The following ARHGEF17 variants were observed in gnomAD, a reference collection of about 807,000 sequenced individuals.
The protein encoded by ARHGEF17 is Rho guanine nucleotide exchange factor 17.
In ARHGEF17, 80 loss-of-function variants were observed where a neutral mutation model predicts 174.0. The observed-to-expected ratio is 0.46, with a 90% CI of 0.38 to 0.55. The LOEUF is 0.55. Among genes scored for constraint, ARHGEF17 ranks in the 20% least tolerant of loss-of-function variants. The pLI, the probability that ARHGEF17 is intolerant of heterozygous loss-of-function variation, is 0.00. For synonymous variants in ARHGEF17, 1,311 were observed against 1,189.1 expected (o/e 1.10, Z -2.11); for missense variants, 2,886 against 2,839.7 (o/e 1.02, Z -0.37).
rs1230956051 is a variant in ARHGEF17, at chr11:73,309,290, C to G, written c.652C>G (p.His218Asp). Residue 218 changes from histidine (H) to aspartate (D), a missense_variant, in exon 1 of 21, where the codon CAT (histidine) becomes GAT (aspartate). By Grantham distance (81) the His-to-Asp change is moderately conservative (BLOSUM62 -1). Coordinates refer to ENST00000263674, the MANE Select transcript of ARHGEF17 (RefSeq NM_014786.4). ...TCCAGCGGATGGTTTACATTCTTGG[C>G]ATATCTTCTCCCAACCGCAGGCCGG... ...QRPADGLHSW[H>D]IFSQPQAGAR... 4 of 1,612,176 alleles carry G rather than the reference C, an allele frequency of 2.5e-6. No individual in the cohort carries two copies. Among genetic ancestry groups the G allele is most frequent in the Non-Finnish European group, 3.4e-6 (4 of 1,179,656 alleles).
intron 3 of ARHGEF17, among the ~76,000 whole-genome samples, chr11:73,354,015 A>G (rs536758269): frequency 5.9e-5 from 9 of 152,376 alleles, no homozygotes; most frequent in African/African-American, 2.2e-4. Flanking sequence ...TTTCAAAAGC[A>G]AAATTGTAAA....
At chr11:73,353,376 A>G (rs565352342) in intron 3 of ARHGEF17, 6 of 263,634 alleles carry the variant, frequency 2.3e-5, no homozygotes, top group South Asian at 1.3e-4. Context: ...CCTCCACCCT[A>G]TCTTTACTGG....
In ARHGEF17 at chr11:73,311,394, G is replaced by T; in HGVS notation, c.2756G>T (p.Arg919Leu). 1 of 1,613,220 alleles carries T rather than the reference G, an allele frequency of 6.2e-7. No individual in the cohort carries two copies. Among genetic ancestry groups the T allele is most frequent in the African/African-American group, 1.3e-5 (1 of 75,048 alleles). ...GACATTCTGTCCCCGAGGCTAATCC[G>T]CCGAGGCTCCAAGAAGCGCCCAGCT... is the stretch of plus-strand genomic sequence containing the variant. ...LADILSPRLI[R>L]RGSKKRPARS... Residue 919 changes from arginine (R) to leucine (L), a missense_variant, in exon 1 of 21, where the codon CGC becomes CTC. Arg to Leu is a moderately radical substitution (Grantham distance 102). Around this residue, in one of 4 missense-constraint regions of ARHGEF17, gnomAD observed 1,728 missense variants for 1,461.2 expected, o/e 1.18. Coordinates refer to ENST00000263674, the MANE Select transcript of ARHGEF17 (RefSeq NM_014786.4).
chr11:73,313,498 A>G (rs993343666), intron 1 of ARHGEF17, among the ~76,000 whole-genome samples: 1 of 152,186 alleles, frequency 6.6e-6, no homozygotes, highest in Non-Finnish European at 1.5e-5. Context: ...TGAGACCCAG[A>G]GAGGAGGTGG....
chr11:73,332,857 A>G (rs1258138119), intron 1 of ARHGEF17, among the ~76,000 whole-genome samples: 1 of 152,190 alleles, frequency 6.6e-6, no homozygotes, highest in African/African-American at 2.4e-5. Context: ...GGTTAAAATA[A>G]TACCTGCAGA....
chr11:73,318,397 G>A (rs574367211), intron 1 of ARHGEF17, among the ~76,000 whole-genome samples: 2 of 152,286 alleles, frequency 1.3e-5, no homozygotes, highest in East Asian at 3.9e-4. Context: ...AGCACTTTGG[G>A]AGGCTGAGGT....
In ARHGEF17 at chr11:73,363,243, G is replaced by A. The variant is rs1280357782; in HGVS notation, c.5034G>A (p.Glu1678=). ...ETPSSKEATA[E]TTSSEEEQEP... is the part of the protein sequence containing the mutation. ...CGAGTTCCAAGGAGGCCACGGCAGA[G>A]ACCACCAGCTCAGAGGAGGAGCAGG... is the stretch of plus-strand genomic sequence containing the variant. Residue 1678 remains glutamate (E), a synonymous_variant, in exon 15 of 21, where the codon GAG becomes GAA. Coordinates refer to ENST00000263674, the MANE Select transcript of ARHGEF17 (RefSeq NM_014786.4). The A allele has an allele frequency of 6.3e-7, 1 of 1,597,864 alleles. No individual in the cohort carries two copies. The highest frequency in any genetic ancestry group is 1.7e-5 in the Admixed American group (1 of 58,844).
rs892897422 is a variant in ARHGEF17 at position 73,311,394 on chromosome 11, G to A, written c.2756G>A (p.Arg919His). The part of the protein sequence containing the change: ...LADILSPRLI[R>H]RGSKKRPARS... ...GACATTCTGTCCCCGAGGCTAATCC[G>A]CCGAGGCTCCAAGAAGCGCCCAGCT... The change falls in exon 1 of 21, where the codon CGC (arginine) becomes CAC (histidine). Residue 919 changes from arginine to histidine, a missense_variant. Physicochemically the swap from Arg to His is conservative, Grantham distance 29 (BLOSUM62 0). Transcript: ENST00000263674. 8.7e-6 allele frequency: 14 copies of A among 1,613,102 alleles called. No individual in the cohort carries two copies. The highest frequency in any genetic ancestry group is 4.4e-5 in the South Asian group (4 of 91,076).
rs1164051322 is a variant in ARHGEF17, at chr11:73,329,322, CATATATATATATATATATAT to C, written c.3192+17525_3193-17509del. Among the ~76,000 whole-genome samples, 37 of 15,314 alleles carry C rather than the reference CATATATATATATATATATAT, an allele frequency of 2.4e-3. 5 individuals carry two copies. The highest frequency in any genetic ancestry group is 2.6e-3 in the Admixed American group (2 of 774). The allele number at this position is 15,314 out of a possible 152,430, so 10.0% of individuals were successfully genotyped here. Reference sequence around the variant, plus strand: ...GCCTTATCAGTATTTTGAGAGCTTTCATATATATATATATATATATATATATATATATATATATATATATA... The same window carrying C: ...GCCTTATCAGTATTTTGAGAGCTTTCATATATATATATATATATATATATA... On this transcript the variant is annotated intron_variant, in intron 1 of 20. Transcript: ENST00000263674.
At position 73,356,757 on chromosome 11, in the gene ARHGEF17, G is replaced by C. The variant is rs902519974; in HGVS notation, c.3889G>C (p.Val1297Leu). 2 of 1,614,158 alleles carry C rather than the reference G, an allele frequency of 1.2e-6. No individual in the cohort carries two copies. The highest frequency in any genetic ancestry group is 1.7e-5 in the Admixed American group (1 of 60,022). The change falls in exon 7 of 21, where the codon GTG becomes CTG. Residue 1297 changes from valine (V) to leucine (L), a missense_variant and splice_region_variant. By Grantham distance (32) the Val-to-Leu change is conservative. Around this residue, in one of 4 missense-constraint regions of ARHGEF17, gnomAD observed 353 missense variants for 470.3 expected, o/e 0.75. Transcript: ENST00000263674. ...CCTGAGACAGGAGATGGTCATTGAA[G>C]TGGTAAGAAGTGTCCCAGTATCTGT... ...RFLRQEMVIEVKAIGGKKDRS... is the reference protein window; with the variant it reads ...RFLRQEMVIELKAIGGKKDRS...
At chr11:73,353,424 G>C (rs776995467) in intron 3 of ARHGEF17, among the ~76,000 whole-genome samples, 55 of 152,308 alleles carry the variant, frequency 3.6e-4, no homozygotes, top group Non-Finnish European at 6.8e-4. Context: ...CCTGGACTTG[G>C]GCTGGATGTT....
intron 9 of ARHGEF17, among the ~76,000 whole-genome samples, chr11:73,358,784 C>T (rs143471135): frequency 9.2e-5 from 14 of 152,238 alleles, no homozygotes; most frequent in Admixed American, 3.3e-4. Context: ...TTAATACCAA[C>T]ACACTCAGGA....
At chr11:73,321,913 T>C (rs1208303448) in intron 1 of ARHGEF17, among the ~76,000 whole-genome samples, 1 of 152,096 alleles carries the variant, frequency 6.6e-6, no homozygotes, top group South Asian at 2.1e-4. Context: ...TGGTGTCTGT[T>C]TCCTGTTTAT....
chr11:73,346,378 G>A (rs550087637), intron 1 of ARHGEF17, among the ~76,000 whole-genome samples: 1 of 152,270 alleles, frequency 6.6e-6, no homozygotes, highest in Admixed American at 6.5e-5. Flanking sequence ...CCCCTCTCTG[G>A]TCCACAGTGT....
Position 73,309,764 on chromosome 11 carries a change from A to G in ARHGEF17, c.1126A>G (p.Ser376Gly). 6.2e-7 allele frequency: 1 copy of G among 1,612,880 alleles called. No individual in the cohort carries two copies. Among genetic ancestry groups the G allele is most frequent in the Non-Finnish European group, 8.5e-7 (1 of 1,179,912 alleles). Residue 376 changes from serine (S) to glycine (G), a missense_variant, in exon 1 of 21, where the codon AGC (serine) becomes GGC (glycine). Ser to Gly is a moderately conservative substitution (Grantham distance 56). This residue lies in a region of ARHGEF17 where 1,728 missense variants were observed against 1,461.2 expected (regional missense o/e 1.18). Coordinates refer to ENST00000263674, the MANE Select transcript of ARHGEF17 (RefSeq NM_014786.4). ...VGGAFRVAKV[S>G]FPSYLASPAG... is the part of the protein sequence containing the mutation. The stretch of plus-strand genomic sequence containing the variant: ...AGGAGCTTTCCGTGTGGCCAAGGTG[A>G]GCTTTCCCTCGTACCTGGCCAGCCC...
chr11:73,328,168 A>G (rs1865134622), intron 1 of ARHGEF17, among the ~76,000 whole-genome samples: 1 of 152,170 alleles, frequency 6.6e-6, no homozygotes, highest in South Asian at 2.1e-4. Context: ...GGATGGGGTC[A>G]CTGAGAGTAG....
chr11:73,363,730 C>A lies in ARHGEF17; in HGVS notation c.5247-17C>A, dbSNP rs1035086726. On this transcript the variant is annotated splice_polypyrimidine_tract_variant and intron_variant, in intron 15 of 20. Coordinates refer to ENST00000263674, the MANE Select transcript of ARHGEF17 (RefSeq NM_014786.4). ...GTGCCCCAAGCATTTGTCCCAGGTGCATACCCCGATCCACAGTGTCCACGT... is the reference window on the plus strand; with the variant it reads ...GTGCCCCAAGCATTTGTCCCAGGTGAATACCCCGATCCACAGTGTCCACGT... 2 of 1,613,564 alleles carry A rather than the reference C, an allele frequency of 1.2e-6. No homozygotes were observed. The highest frequency in any genetic ancestry group is 1.3e-5 in the African/African-American group (1 of 75,032).
chr11:73,337,652 T>A (rs1865307833), intron 1 of ARHGEF17, among the ~76,000 whole-genome samples: 1 of 152,106 alleles, frequency 6.6e-6, no homozygotes, highest in Non-Finnish European at 1.5e-5. Flanking sequence ...ACTCCTGGGA[T>A]CAAGTGATCC....
At chr11:73,364,775 G>A (rs1865808637) in intron 18 of ARHGEF17, 175 bp downstream of exon 18, 1 of 758,004 alleles carries the variant, frequency 1.3e-6, no homozygotes, top group East Asian at 2.9e-5. Context: ...CATTTCTTCT[G>A]TAGCTGATGA....
Sources: gnomAD v4.1 joint callset for allele counts (sites outside exome capture counted in the v4.1 genomes callset) on GRCh38, gnomAD v4.1.1 for gene constraint, gnomAD v4.1.1 regional missense constraint, MANE v1.5 for transcripts, NCBI Gene and HGNC (gene_info 2026-07-23, HGNC 2026-07-21) for gene names.